Variants in DLL3 observed in about 807,000 individuals in gnomAD.
The protein encoded by DLL3 is delta-like protein 3.
Under a neutral mutation model 55.0 loss-of-function variants are expected in DLL3, and 49 were observed. The observed-to-expected ratio is 0.89, with a 90% confidence interval of 0.71 to 1.13. The LOEUF is 1.13. Among genes scored for constraint, DLL3 ranks in the 50% most tolerant of loss-of-function variants. DLL3 has a pLI of 0.00. For synonymous variants in DLL3, 421 were observed against 385.2 expected, an observed-to-expected ratio of 1.09 and a Z score of -1.09; for missense variants, 962 against 875.5, an observed-to-expected ratio of 1.10 and a Z score of -1.25.
At chr19:39,506,561 C>T (rs1950607923) in intron 6 of DLL3, among the ~76,000 whole-genome samples, 2 of 152,060 alleles carry the variant, frequency 1.3e-5, no homozygotes, top group Admixed American at 1.3e-4. Context: ...CAGACACCCT[C>T]AGACAGAGCC....
chr19:39,508,157 C>T lies in DLL3; in HGVS notation c.1759-95C>T, dbSNP rs2079656185. On this transcript the variant is annotated intron_variant, in intron 8 of 8. Coordinates refer to ENST00000356433, the MANE Select transcript of DLL3 (RefSeq NM_203486.3). Reference sequence around the variant, plus strand: ...GGGCTTGAGGAGGTCACGATGCCGACTCCGCCAGAGCTTTTCCACTGATTG... The same window carrying T: ...GGGCTTGAGGAGGTCACGATGCCGATTCCGCCAGAGCTTTTCCACTGATTG... 22 of 1,614,094 alleles carry T rather than the reference C, an allele frequency of 1.4e-5. No homozygotes were observed. In the Admixed American group the frequency reaches 3.5e-4, roughly 26 times the overall value.
intron 1 of DLL3, 47 bp downstream of exon 1, chr19:39,499,090 G>A: frequency 6.2e-7 from 1 of 1,613,858 alleles, no homozygotes; most frequent in African/African-American, 1.3e-5. Context: ...AATGCGGAGG[G>A]GAGGGGTGAG....
Position 39,499,315 on chromosome 19 carries a change from A to C in DLL3, c.193A>C (p.Lys65Gln), listed in dbSNP as rs1320541732. The C allele has an allele frequency of 1.2e-5, 18 of 1,545,736 alleles. No homozygotes were observed. In the Admixed American group the frequency reaches 3.5e-4, roughly 30 times the overall value. The change falls in exon 2 of 9, where the codon AAG becomes CAG. Residue 65 changes from lysine to glutamine, a missense_variant. Lys to Gln is a moderately conservative substitution (Grantham distance 53). Transcript: ENST00000356433. Reference protein sequence around the residue: ...PCRLFFRVCLKPGLSEEAAES... With the variant: ...PCRLFFRVCLQPGLSEEAAES... ...CCGCCTCTTCTTCAGAGTCTGCCTG[A>C]AGCCTGGGCTCTCAGAGGAGGCCGC...
Position 39,499,376 on chromosome 19 carries a change from C to A in DLL3, c.254C>A (p.Ala85Glu). The A allele has an allele frequency of 6.4e-7, 1 of 1,566,204 alleles. No homozygotes were observed. Among genetic ancestry groups the A allele is most frequent in the Non-Finnish European group, 8.6e-7 (1 of 1,163,076 alleles). Residue 85 changes from alanine to glutamate, a missense_variant, in exon 2 of 9, where the codon GCG (alanine) becomes GAG (glutamate). Coordinates refer to ENST00000356433, the MANE Select transcript of DLL3 (RefSeq NM_203486.3). Reference protein sequence around the residue: ...SPCALGAALSARGPVYTEQPG... With the variant: ...SPCALGAALSERGPVYTEQPG... ...TGCGCCCTGGGCGCGGCGCTGAGTGCGCGCGGACCGGTCTACACCGAGCAG... is the reference window on the plus strand; with the variant it reads ...TGCGCCCTGGGCGCGGCGCTGAGTGAGCGCGGACCGGTCTACACCGAGCAG...
At chr19:39,501,620 G>A (rs541811241) in intron 3 of DLL3, among the ~76,000 whole-genome samples, 12 of 152,226 alleles carry the variant, frequency 7.9e-5, no homozygotes, top group East Asian at 3.9e-4. Flanking sequence ...CTTCTTCACC[G>A]TTCTGATGTA....
chr19:39,507,102 C>T lies in DLL3; in HGVS notation c.1157C>T (p.Pro386Leu). The T allele has an allele frequency of 2.6e-6, 4 of 1,543,444 alleles. No individual in the cohort carries two copies. Among genetic ancestry groups the T allele is most frequent in the African/African-American group, 1.4e-5 (1 of 73,482 alleles). Residue 386 changes from proline to leucine, a missense_variant, in exon 7 of 9, where the codon CCT becomes CTT. Transcript: ENST00000356433. ...CGCTGCCGCGCCGGCTTCGCGGGTC[C>T]TCGCTGCGAGCACGACCTGGACGAC... is the stretch of plus-strand genomic sequence containing the variant. ...RCRCRAGFAG[P>L]RCEHDLDDCA...
chr19:39,507,285 A>C lies in DLL3; in HGVS notation c.1340A>C (p.His447Pro). ...GCTCACGGCGGCCGCTGCTACGCCCACTTCTCCGGCCTCGTCTGCGCTTGC... is the reference window on the plus strand; with the variant it reads ...GCTCACGGCGGCCGCTGCTACGCCCCCTTCTCCGGCCTCGTCTGCGCTTGC... Reference protein sequence around the residue: ...PCAHGGRCYAHFSGLVCACAP... With the variant: ...PCAHGGRCYAPFSGLVCACAP... The change falls in exon 7 of 9, where the codon CAC becomes CCC. Residue 447 changes from histidine to proline, a missense_variant. Physicochemically the swap from His to Pro is moderately conservative, Grantham distance 77 (BLOSUM62 -2). Coordinates refer to ENST00000356433, the MANE Select transcript of DLL3 (RefSeq NM_203486.3). The C allele has an allele frequency of 6.5e-7, 1 of 1,542,796 alleles. No homozygotes were observed. The highest frequency in any genetic ancestry group is 8.7e-7 in the Non-Finnish European group (1 of 1,151,508).
Position 39,507,119 on chromosome 19 carries a change from C to A in DLL3, c.1174C>A (p.Leu392Met), listed in dbSNP as rs749059188. 2 of 1,533,774 alleles carry A rather than the reference C, an allele frequency of 1.3e-6. No homozygotes were observed. Among genetic ancestry groups the A allele is most frequent in the African/African-American group, 2.8e-5 (2 of 72,040 alleles). Reference sequence around the variant, plus strand: ...CGCGGGTCCTCGCTGCGAGCACGACCTGGACGACTGCGCGGGCCGCGCCTG... The same window carrying A: ...CGCGGGTCCTCGCTGCGAGCACGACATGGACGACTGCGCGGGCCGCGCCTG... ...GFAGPRCEHD[L>M]DDCAGRACAN... is the part of the protein sequence containing the mutation. The change falls in exon 7 of 9, where the codon CTG becomes ATG. Residue 392 changes from leucine to methionine, a missense_variant. Transcript: ENST00000356433.
intron 5 of DLL3, 121 bp downstream of exon 5, chr19:39,504,409 G>A (rs925959027): frequency 1.8e-5 from 21 of 1,159,860 alleles, no homozygotes; most frequent in Non-Finnish European, 1.5e-5. Context: ...CTATCAGGGA[G>A]GTCTTCCTGG....
rs962616128 is a variant in DLL3, at chr19:39,502,960, C to T, written c.555C>T (p.Thr185=). 4.8e-6 allele frequency: 7 copies of T among 1,461,642 alleles called. No individual in the cohort carries two copies. The highest frequency in any genetic ancestry group is 5.1e-5 in the Admixed American group (2 of 39,416). The allele number at this position is 1,461,642 out of a possible 1,614,324, so 90.5% of individuals were successfully genotyped here. A position where few individuals can be genotyped will look rare whatever the true frequency, so the allele number is the denominator to read the frequency against. ...GCTGCGAGCCGCCTGCCGTCGGGAC[C>T]GCGTGCACGCGCCTCTGCCGTCCGC... ...RARCEPPAVG[T]ACTRLCRPRS... is the part of the protein sequence containing the mutation. The change falls in exon 4 of 9, where the codon ACC becomes ACT. Residue 185 remains threonine, a synonymous_variant. Coordinates refer to ENST00000356433, the MANE Select transcript of DLL3 (RefSeq NM_203486.3).
rs1046511015 is a variant in DLL3, at chr19:39,507,052, G to A, written c.1107G>A (p.Leu369=). 4.6e-6 allele frequency: 7 copies of A among 1,537,542 alleles called. No individual in the cohort carries two copies. The highest frequency in any genetic ancestry group is 4.1e-5 in the African/African-American group (3 of 73,182). ...CCTTCCCCACAGGCGGACTCTGCCT[G>A]GACCTGGGCCACGCCCTGCGCTGCC... ...LQPCRNGGLC[L]DLGHALRCRC... is the part of the protein sequence containing the mutation. The change falls in exon 7 of 9, where the codon CTG becomes CTA. Residue 369 remains leucine, a synonymous_variant. Transcript: ENST00000356433.
chr19:39,505,320 G>T lies in DLL3; in HGVS notation c.962G>T (p.Cys321Phe). 6.2e-7 allele frequency: 1 copy of T among 1,614,222 alleles called. No individual in the cohort carries two copies. Residue 321 changes from cysteine to phenylalanine, a missense_variant, in exon 6 of 9, where the codon TGC becomes TTC. Coordinates refer to ENST00000356433, the MANE Select transcript of DLL3 (RefSeq NM_203486.3). ...GGGGTGACATGTGCAGATGGACCCT[G>T]CTTCAACGGCGGCTTGTGTGTCGGG... is the stretch of plus-strand genomic sequence containing the variant. ...VSGVTCADGP[C>F]FNGGLCVGGA... is the part of the protein sequence containing the mutation.
rs1271691132 is a variant in DLL3 at position 39,502,927 on chromosome 19, CCG to C, written c.530_531del (p.Arg177LeufsTer38). On this transcript the variant is annotated frameshift_variant, in exon 4 of 9. Coordinates refer to ENST00000356433, the MANE Select transcript of DLL3 (RefSeq NM_203486.3). LOFTEE classifies it high-confidence loss of function. Reference protein sequence around the residue: ...AGAWELRFSYRARCEPPAVGT... With the variant: ...AGAWELRFSYXARCEPPAVGT... ...GCGCCTGGGAGCTGCGCTTCTCGTA[CCG>C]CGCGCGCTGCGAGCCGCCTGCCGTC... 9 of 1,440,594 alleles carry C rather than the reference CCG, an allele frequency of 6.2e-6. No individual in the cohort carries two copies. The highest frequency in any genetic ancestry group is 2.7e-5 in the South Asian group (2 of 72,746). 89.2% of individuals were successfully genotyped at this position (1,440,594 alleles called of 1,614,324 possible). A position where few individuals can be genotyped will look rare whatever the true frequency, so the allele number is the denominator to read the frequency against.
Position 39,507,124 on chromosome 19 carries a change from C to A in DLL3, c.1179C>A (p.Asp393Glu). 6.5e-7 allele frequency: 1 copy of A among 1,530,196 alleles called. No homozygotes were observed. Among genetic ancestry groups the A allele is most frequent in the Non-Finnish European group, 8.7e-7 (1 of 1,146,112 alleles). The allele number at this position is 1,530,196 out of a possible 1,614,324, so 94.8% of individuals were successfully genotyped here. Residue 393 changes from aspartate (D) to glutamate (E), a missense_variant, in exon 7 of 9, where the codon GAC (aspartate) becomes GAA (glutamate). Asp to Glu is a conservative substitution (Grantham distance 45, BLOSUM62 2). Transcript: ENST00000356433. ...FAGPRCEHDL[D>E]DCAGRACANG... ...GTCCTCGCTGCGAGCACGACCTGGA[C>A]GACTGCGCGGGCCGCGCCTGCGCTA...
chr19:39,501,967 G>T (rs12977019), intron 3 of DLL3, among the ~76,000 whole-genome samples: 10 of 151,566 alleles, frequency 6.6e-5, no homozygotes, highest in Non-Finnish European at 8.8e-5. Flanking sequence ...GGGCGGATCA[G>T]GAGGTCAGGA....
intron 3 of DLL3, among the ~76,000 whole-genome samples, chr19:39,502,278 T>G (rs1185450140): frequency 6.6e-6 from 1 of 152,088 alleles, no homozygotes; most frequent in Non-Finnish European, 1.5e-5. Context: ...TATTTTTATT[T>G]TTTTGAGAGG....
In DLL3 at chr19:39,500,679, G is replaced by A. The variant is rs775367877; in HGVS notation, c.409+7G>A. On this transcript the variant is annotated splice_region_variant and intron_variant, in intron 3 of 8. Transcript: ENST00000356433. ...TTAGGAGACCAGATTGGAGGTGAGT[G>A]TCTTCAGTCTTGGGACTGGTGGGGA... 4 of 1,613,118 alleles carry A rather than the reference G, an allele frequency of 2.5e-6. No individual in the cohort carries two copies. The Admixed American group carries it at 6.7e-5, about 27-fold the overall frequency.
chr19:39,499,196 G>T lies in DLL3; in HGVS notation c.74G>T (p.Arg25Leu). 1.3e-6 allele frequency: 2 copies of T among 1,577,054 alleles called. No individual in the cohort carries two copies. The highest frequency in any genetic ancestry group is 1.1e-5 in the South Asian group (1 of 88,498). Residue 25 changes from arginine (R) to leucine (L), a missense_variant, in exon 2 of 9, where the codon CGG (arginine) becomes CTG (leucine). Transcript: ENST00000356433. ...ILALIFLPQT[R>L]PAGVFELQIH... ...CTGCGCCCGTCTCCGTCCCAGACAC[G>T]GCCCGCTGGCGTCTTCGAGCTGCAG...
At chr19:39,506,359 T>G (rs1283107175) in intron 6 of DLL3, among the ~76,000 whole-genome samples, 2 of 135,514 alleles carry the variant, frequency 1.5e-5, no homozygotes, top group Non-Finnish European at 3.1e-5. Context: ...AGAGCGAGAC[T>G]CCGTTTCGAA....
Sources: allele counts gnomAD v4.1 joint callset (sites outside exome capture counted in the v4.1 genomes callset), GRCh38; gene constraint gnomAD v4.1.1; transcripts MANE v1.5; gene names NCBI Gene and HGNC (gene_info 2026-07-23, HGNC 2026-07-21).